STX12: variants seen among roughly 807,000 people sequenced by gnomAD.
The protein encoded by STX12 is syntaxin 12, also known as syntaxin-12.
STX12 carries 17 observed loss-of-function variants against 42.2 expected under a neutral mutation model. That is an observed-to-expected ratio of 0.40 (90% confidence interval 0.28 to 0.60). The LOEUF is 0.60. Among genes scored for constraint, STX12 ranks in the 20% least tolerant of loss-of-function variants. STX12 has a pLI of 0.39. For synonymous variants in STX12, 108 were observed against 116.7 expected, an observed-to-expected ratio of 0.93 and a Z score of 0.48; for missense variants, 297 against 330.9, an observed-to-expected ratio of 0.90 and a Z score of 0.79.
intron 7 of STX12, 118 bp downstream of exon 7, chr1:27,818,041 C>T: frequency 1.3e-6 from 1 of 741,924 alleles, no homozygotes; most frequent in Non-Finnish European, 2.3e-6. Flanking sequence ...TGAAGCCAAC[C>T]TGGGCAACAT....
At chr1:27,794,868 C>T (rs1455736254) in intron 3 of STX12, among the ~76,000 whole-genome samples, 1 of 151,774 alleles carries the variant, frequency 6.6e-6, no homozygotes. Context: ...ACCACAAGTG[C>T]GCACCACCAC....
intron 3 of STX12, among the ~76,000 whole-genome samples, chr1:27,800,711 A>G (rs2148603293): frequency 6.6e-6 from 1 of 151,784 alleles, no homozygotes; most frequent in South Asian, 2.1e-4. Context: ...TAGAGATAGG[A>G]TTTTGTCATG....
intron 1 of STX12, among the ~76,000 whole-genome samples, chr1:27,782,769 G>C (rs6598904): frequency 0.075 from 11,460 of 152,260 alleles, 1,446 homozygotes; most frequent in African/African-American, 0.26. Context: ...CCAGGAGGTG[G>C]AGGTTGCAGT....
chr1:27,799,633 G>A (rs113617690), intron 3 of STX12, among the ~76,000 whole-genome samples: 7,447 of 150,002 alleles, frequency 0.05, 397 homozygotes, highest in East Asian at 0.25. Flanking sequence ...ACAGGCGCAC[G>A]CCACCACGCC....
intron 3 of STX12, among the ~76,000 whole-genome samples, chr1:27,799,352 C>T (rs538423020): frequency 1.3e-5 from 2 of 152,142 alleles, no homozygotes; most frequent in Non-Finnish European, 2.9e-5. Flanking sequence ...TTTGTGTAAA[C>T]GGTGACCCAG....
chr1:27,790,731 C>T lies in STX12; in HGVS notation c.188+1100C>T, dbSNP rs2088734268. On this transcript the variant is annotated intron_variant, in intron 2 of 8. Transcript: ENST00000373943. The stretch of plus-strand genomic sequence containing the variant: ...CTGAGGCGGGCAGATCACCTGAGGT[C>T]AGGAGTTCAAGACCAGCCTGGCCAA... Among the ~76,000 whole-genome samples, 5 of 152,182 alleles carry T rather than the reference C, an allele frequency of 3.3e-5. No individual in the cohort carries two copies. In the South Asian group the frequency reaches 1.0e-3, roughly 32 times the overall value.
intron 1 of STX12, among the ~76,000 whole-genome samples, chr1:27,782,084 A>T (rs933486817): frequency 4.6e-5 from 7 of 151,376 alleles, no homozygotes; most frequent in African/African-American, 1.7e-4. Context: ...CGACAAGCAT[A>T]GGCATAAGCA....
intron 8 of STX12, 150 bp downstream of exon 8, chr1:27,819,882 A>G: frequency 1.7e-6 from 1 of 589,922 alleles, no homozygotes; most frequent in Non-Finnish European, 3.0e-6. Context: ...CATTTTTATT[A>G]TTTTCCTTTG....
chr1:27,784,138 C>T (rs2088685895), intron 1 of STX12, among the ~76,000 whole-genome samples: 1 of 152,034 alleles, frequency 6.6e-6, no homozygotes, highest in South Asian at 2.1e-4. Flanking sequence ...TGAGATCACA[C>T]CATTGCACTC....
chr1:27,806,838 A>G (rs1239148862), intron 4 of STX12, among the ~76,000 whole-genome samples: 1 of 152,192 alleles, frequency 6.6e-6, no homozygotes, highest in Non-Finnish European at 1.5e-5. Flanking sequence ...CATGTCTTAC[A>G]TGGTGGCAGG....
chr1:27,816,044 A>G (rs1452224495), intron 6 of STX12, among the ~76,000 whole-genome samples: 1 of 152,010 alleles, frequency 6.6e-6, no homozygotes, highest in Non-Finnish European at 1.5e-5. Flanking sequence ...CGGGCACAGT[A>G]CAAGCTCACG....
intron 2 of STX12, among the ~76,000 whole-genome samples, chr1:27,790,337 C>T (rs1201677846): frequency 6.6e-6 from 1 of 152,116 alleles, no homozygotes. Context: ...GCTTCCACAG[C>T]GTGGAAGAGG....
At position 27,801,823 on chromosome 1, in the gene STX12, G is replaced by T; in HGVS notation, c.426+8G>T. 6.4e-7 allele frequency: 1 copy of T among 1,572,658 alleles called. No homozygotes were observed. The highest frequency in any genetic ancestry group is 8.6e-7 in the Non-Finnish European group (1 of 1,167,450). On this transcript the variant is annotated splice_region_variant and intron_variant, in intron 4 of 8. Coordinates refer to ENST00000373943, the MANE Select transcript of STX12 (RefSeq NM_177424.3). ...GCTGGATCTCGTCTTTCTGTAAGTTGATTCCCAAAAGAAGACCTTTGCAAT... is the reference window on the plus strand; with the variant it reads ...GCTGGATCTCGTCTTTCTGTAAGTTTATTCCCAAAAGAAGACCTTTGCAAT...
intron 5 of STX12, 78 bp from the exon 6 acceptor site, chr1:27,812,085 T>G: frequency 8.3e-7 from 1 of 1,205,356 alleles, no homozygotes; most frequent in Non-Finnish European, 1.2e-6. Flanking sequence ...TAGGTTCTGC[T>G]GGCAGTAGAG....
intron 2 of STX12, among the ~76,000 whole-genome samples, chr1:27,792,547 C>T (rs1209793098): frequency 7.3e-5 from 11 of 151,370 alleles, no homozygotes; most frequent in Non-Finnish European, 1.5e-5. Flanking sequence ...ATCCTGGAGG[C>T]CCATTTGCAG....
chr1:27,810,690 G>A (rs1026989932), intron 5 of STX12, among the ~76,000 whole-genome samples: 3 of 152,192 alleles, frequency 2.0e-5, no homozygotes, highest in Admixed American at 1.3e-4. Context: ...CCTTCTAGGA[G>A]TATTAAGAGG....
chr1:27,817,780 T>C (rs1019392382), intron 6 of STX12, 71 bp from the exon 7 acceptor site: 48 of 1,385,820 alleles, frequency 3.5e-5, no homozygotes, highest in African/African-American at 5.7e-5. Context: ...GCTAAAACTT[T>C]AGGTACGTGA....
chr1:27,803,450 C>G (rs1260822915), intron 4 of STX12, among the ~76,000 whole-genome samples: 1 of 152,160 alleles, frequency 6.6e-6, no homozygotes, highest in Non-Finnish European at 1.5e-5. Context: ...ACCTAGGATT[C>G]TAAACCCAGT....
At chr1:27,816,476 A>G (rs1210369803) in intron 6 of STX12, among the ~76,000 whole-genome samples, 1 of 151,712 alleles carries the variant, frequency 6.6e-6, no homozygotes, top group Non-Finnish European at 1.5e-5. Context: ...TCTGTCTCAA[A>G]AAAAACAAGT....
Sources: gnomAD v4.1 joint callset for allele counts (sites outside exome capture counted in the v4.1 genomes callset) on GRCh38, gnomAD v4.1.1 for gene constraint, MANE v1.5 for transcripts, NCBI Gene and HGNC (gene_info 2026-07-23, HGNC 2026-07-21) for gene names.